TAOK1: variants seen among roughly 807,000 people sequenced by gnomAD.
TAOK1 encodes the protein serine/threonine-protein kinase TAO1.
Under a neutral mutation model 138.3 loss-of-function variants are expected in TAOK1, and 21 were observed. The observed-to-expected ratio is 0.15, with a 90% CI of 0.11 to 0.22. The LOEUF (loss-of-function observed/expected upper bound fraction) is 0.22. TAOK1 is among the 10% of genes least tolerant of loss of function. The pLI is 1.00. For missense variants in TAOK1, 651 were observed against 1,227.7 expected (o/e 0.53, Z 7.02); for synonymous variants, 361 against 398.4 (o/e 0.91, Z 1.12).
chr17:29,423,822 C>A (rs537683744), intron 1 of TAOK1, among the ~76,000 whole-genome samples: 1 of 151,758 alleles, frequency 6.6e-6, no homozygotes, highest in African/African-American at 2.4e-5. Context: ...CAGAAGCAGG[C>A]GGATTGTTTG....
At position 29,549,522 on chromosome 17, in the gene TAOK1, T is replaced by G. The variant is rs1282203277; in HGVS notation, c.*6500T>G. On this transcript the variant is annotated 3_prime_UTR_variant, in exon 20 of 20. Coordinates refer to ENST00000261716, the MANE Select transcript of TAOK1 (RefSeq NM_020791.4). ...GGAACAGGTTTCTCTCAGTGGCACA[T>G]TTTGCTTTTTCTGAGCCCCAAATAC... The G allele has an allele frequency of 6.6e-6, 1 of 152,172 alleles. No individual in the cohort carries two copies. Among genetic ancestry groups the G allele is most frequent in the East Asian group, 1.9e-4 (1 of 5,200 alleles). The allele number at this position is 152,172 out of a possible 1,614,324, so 9.4% of individuals were successfully genotyped here.
chr17:29,432,135 G>T (rs1287514996), intron 1 of TAOK1, among the ~76,000 whole-genome samples: 1 of 152,200 alleles, frequency 6.6e-6, no homozygotes, highest in African/African-American at 2.4e-5. Context: ...AGCCTTCAGA[G>T]CTGAGAGCCT....
At chr17:29,409,579 C>T (rs565631930) in intron 1 of TAOK1, among the ~76,000 whole-genome samples, 64 of 151,912 alleles carry the variant, frequency 4.2e-4, no homozygotes, top group African/African-American at 1.4e-3. Context: ...GTGATCCCCC[C>T]GCCTCAGCCT....
intron 1 of TAOK1, among the ~76,000 whole-genome samples, chr17:29,435,322 A>AT (rs1905992518): frequency 1.3e-5 from 2 of 152,176 alleles, no homozygotes. Context: ...TTGGAACATG[A>AT]TCTCTCTCTT....
intron 18 of TAOK1, among the ~76,000 whole-genome samples, chr17:29,532,642 C>T (rs941759257): frequency 3.3e-4 from 51 of 152,246 alleles, no homozygotes; most frequent in Admixed American, 8.5e-4. Context: ...ACACATGTTT[C>T]GGAGAGTACC....
chr17:29,464,985 T>C (rs1289964106), intron 2 of TAOK1, among the ~76,000 whole-genome samples: 2 of 151,862 alleles, frequency 1.3e-5, no homozygotes, highest in Non-Finnish European at 2.9e-5. Context: ...TATGCCTGGC[T>C]AATTTTTATA....
intron 19 of TAOK1, among the ~76,000 whole-genome samples, chr17:29,539,439 G>GT (rs1221079690): frequency 1.3e-5 from 2 of 152,012 alleles, no homozygotes; most frequent in Non-Finnish European, 1.5e-5. Flanking sequence ...GTTTTGTTTT[G>GT]TTTTTTGTTT....
At chr17:29,448,963 T>C (rs2030165006) in intron 1 of TAOK1, among the ~76,000 whole-genome samples, 2 of 152,168 alleles carry the variant, frequency 1.3e-5, no homozygotes, top group Admixed American at 6.5e-5. Context: ...AACTGACTTT[T>C]CTAATAGAGT....
At chr17:29,526,200 G>A (rs991778496) in intron 17 of TAOK1, among the ~76,000 whole-genome samples, 2 of 151,792 alleles carry the variant, frequency 1.3e-5, no homozygotes, top group East Asian at 2.0e-4. Flanking sequence ...ACTTGAACCC[G>A]GAAGGCGGAG....
chr17:29,507,862 T>G (rs773252766), intron 13 of TAOK1, 34 bp from the exon 14 acceptor site: 3 of 1,574,612 alleles, frequency 1.9e-6, no homozygotes, highest in Non-Finnish European at 2.6e-6. Context: ...AATGTTTTAT[T>G]TTCTTCTTTT....
At chr17:29,541,775 C>CAA (rs577390498) in intron 19 of TAOK1, among the ~76,000 whole-genome samples, 1 of 143,362 alleles carries the variant, frequency 7.0e-6, no homozygotes, top group African/African-American at 2.6e-5. Context: ...GACTCCGTCT[C>CAA]AAAAAAAAAG....
In TAOK1 at chr17:29,463,915, G is replaced by C. The variant is rs189974580; in HGVS notation, c.133-3230G>C. Among the ~76,000 whole-genome samples the C allele has an allele frequency of 3.4e-3, 522 of 152,212 alleles. 1 individual carries two copies. The highest frequency in any genetic ancestry group is 5.8e-3 in the Non-Finnish European group (394 of 68,000). On this transcript the variant is annotated intron_variant, in intron 2 of 19. Transcript: ENST00000261716. ...AAATAGGCAAAGGACCTTGAATCAAGATTTCTTCAAAGAAAATATGCAAAT... is the reference window on the plus strand; with the variant it reads ...AAATAGGCAAAGGACCTTGAATCAACATTTCTTCAAAGAAAATATGCAAAT...
At chr17:29,507,466 C>T (rs2031649054) in intron 13 of TAOK1, among the ~76,000 whole-genome samples, 1 of 151,738 alleles carries the variant, frequency 6.6e-6, no homozygotes, top group Non-Finnish European at 1.5e-5. Flanking sequence ...TTGTTTTTTC[C>T]TATGTAAAGA....
chr17:29,451,364 G>A (rs2030230759), intron 1 of TAOK1, 91 bp from the exon 2 acceptor site: 2 of 500,488 alleles, frequency 4.0e-6, no homozygotes, highest in Admixed American at 7.8e-5. Flanking sequence ...TTCTAGACAT[G>A]AGATAAATTT....
At chr17:29,522,660 A>T (rs1232279621) in intron 17 of TAOK1, 141 bp downstream of exon 17, 4 of 1,279,362 alleles carry the variant, frequency 3.1e-6, no homozygotes, top group Non-Finnish European at 4.3e-6. Context: ...GGTTGACTTT[A>T]ATGTTAAATG....
chr17:29,414,435 A>G (rs1199314516), intron 1 of TAOK1, among the ~76,000 whole-genome samples: 1 of 151,608 alleles, frequency 6.6e-6, no homozygotes, highest in Non-Finnish European at 1.5e-5. Context: ...TTTTTAGTAG[A>G]AATGGGGTTT....
intron 15 of TAOK1, 107 bp downstream of exon 15, chr17:29,511,099 G>T: frequency 9.1e-7 from 1 of 1,100,902 alleles, no homozygotes; most frequent in Non-Finnish European, 1.3e-6. Flanking sequence ...TGTTGTTTAT[G>T]GTCACTAAAT....
chr17:29,533,415 C>T (rs1392826612), intron 18 of TAOK1, among the ~76,000 whole-genome samples: 3 of 151,648 alleles, frequency 2.0e-5, no homozygotes, highest in East Asian at 2.0e-4. Context: ...CGGGCAGAGA[C>T]GCTCCTCACT....
rs2062953950 is a variant in TAOK1, at chr17:29,550,066, G to A, written c.*7044G>A. ...TATCACACCTTGACACCTTATATAT[G>A]AGCCTATTAGGAGCTGCAGGTGGTT... is the stretch of plus-strand genomic sequence containing the variant. On this transcript the variant is annotated 3_prime_UTR_variant, in exon 20 of 20. Transcript: ENST00000261716. The A allele has an allele frequency of 6.6e-6, 1 of 152,056 alleles. No homozygotes were observed. Among genetic ancestry groups the A allele is most frequent in the African/African-American group, 2.4e-5 (1 of 41,398 alleles). The allele number at this position is 152,056 out of a possible 1,614,324, so 9.4% of individuals were successfully genotyped here. A position where few individuals can be genotyped will look rare whatever the true frequency, so the allele number is the denominator to read the frequency against.
Sources: gnomAD v4.1 joint callset for allele counts (sites outside exome capture counted in the v4.1 genomes callset) on GRCh38, gnomAD v4.1.1 for gene constraint, MANE v1.5 for transcripts, NCBI Gene and HGNC (gene_info 2026-07-23, HGNC 2026-07-21) for gene names.